PCDHGA12: variants seen among roughly 807,000 people sequenced by gnomAD.
PCDHGA12 encodes the protein protocadherin gamma-A12.
A neutral mutation model predicts 61.1 loss-of-function variants in PCDHGA12; 43 were observed. That is an observed-to-expected ratio of 0.70 (90% CI 0.55 to 0.91). The LOEUF is 0.91. Ranked by LOEUF, PCDHGA12 falls within the 40% of genes least tolerant of loss-of-function variation. The pLI, the probability that PCDHGA12 is intolerant of heterozygous loss-of-function variation, is 0.00. For synonymous variants in PCDHGA12, 520 were observed against 542.9 expected, an observed-to-expected ratio of 0.96 and a Z score of 0.59; for missense variants, 1,236 against 1,227.7, an observed-to-expected ratio of 1.01 and a Z score of -0.10.
rs1265360670 is a variant in PCDHGA12, at chr5:141,435,001, T to A, written c.2424+1818T>A. On this transcript the variant is annotated intron_variant, in intron 1 of 3. Transcript: ENST00000252085. ...TACTCTATATCATTTTCTAGCTGAATTTATCAATGATAATGCTCTTTTCCC... is the reference window on the plus strand; with the variant it reads ...TACTCTATATCATTTTCTAGCTGAAATTATCAATGATAATGCTCTTTTCCC... Among the ~76,000 whole-genome samples the A allele has an allele frequency of 3.9e-5, 6 of 152,120 alleles. No homozygotes were observed. In the East Asian group the frequency reaches 1.2e-3, roughly 29 times the overall value.
At position 141,491,267 on chromosome 5, in the gene PCDHGA12, A is replaced by C. The variant is rs1376540913; in HGVS notation, c.2425-3540A>C. ...GATGAGGACCCTGAGGAAATGCCCA[A>C]ATCCAGTGACTTCCTCATACACCCT... On this transcript the variant is annotated intron_variant, in intron 1 of 3. Coordinates refer to ENST00000252085, the MANE Select transcript of PCDHGA12 (RefSeq NM_003735.3). This position sits in a 1 kb window ranked among gnomAD's most constrained non-coding sequence, Gnocchi z 6.9. The C allele has an allele frequency of 2.5e-6, 4 of 1,613,944 alleles. No individual in the cohort carries two copies. The highest frequency in any genetic ancestry group is 3.4e-6 in the Non-Finnish European group (4 of 1,179,936).
At position 141,491,137 on chromosome 5, in the gene PCDHGA12, GC is replaced by G. The variant is rs1373404184; in HGVS notation, c.2425-3668del. ...CACTGGTGAGGTGCGCACAGCCCGG[GC>G]CTTACTGGAGGATGACTCTGACACC... On this transcript the variant is annotated intron_variant, in intron 1 of 3. Transcript: ENST00000252085. This position sits in a 1 kb window ranked among gnomAD's most constrained non-coding sequence, Gnocchi z 6.9. The G allele has an allele frequency of 1.2e-6, 2 of 1,614,156 alleles. No individual in the cohort carries two copies. Among genetic ancestry groups the G allele is most frequent in the Non-Finnish European group, 1.7e-6 (2 of 1,180,008 alleles).
chr5:141,459,579 T>G (rs1047850142), intron 1 of PCDHGA12, among the ~76,000 whole-genome samples: 2 of 152,212 alleles, frequency 1.3e-5, no homozygotes, highest in African/African-American at 4.8e-5. Context: ...AGAATTGTTT[T>G]GGGGGTCATA....
Position 141,511,178 on chromosome 5 carries a change from G to A in PCDHGA12, c.*5G>A. The A allele has an allele frequency of 6.2e-7, 1 of 1,614,090 alleles. No homozygotes were observed. Among genetic ancestry groups the A allele is most frequent in the South Asian group, 1.1e-5 (1 of 91,074 alleles). On this transcript the variant is annotated 3_prime_UTR_variant, in exon 4 of 4. Coordinates refer to ENST00000252085, the MANE Select transcript of PCDHGA12 (RefSeq NM_003735.3). ...GGCAAGAAGGAGAAGAAGTAACATG[G>A]AGGCCAGGCCAAGAGCCACAGGGCG...
At position 141,476,513 on chromosome 5, in the gene PCDHGA12, C is replaced by T; in HGVS notation, c.2425-18294C>T. 1 of 1,614,196 alleles carries T rather than the reference C, an allele frequency of 6.2e-7. No individual in the cohort carries two copies. Among genetic ancestry groups the T allele is most frequent in the Non-Finnish European group, 8.5e-7 (1 of 1,180,034 alleles). On this transcript the variant is annotated intron_variant, in intron 1 of 3. Coordinates refer to ENST00000252085, the MANE Select transcript of PCDHGA12 (RefSeq NM_003735.3). The surrounding 1 kb of genome is among the most constrained non-coding windows in gnomAD (Gnocchi z 7.6). ...GATCCAGGACATCAACGACAACAAT[C>T]CTGCTTTCCCTACCCAGGAAATGAA...
chr5:141,472,200 C>A (rs2099274166), intron 1 of PCDHGA12, among the ~76,000 whole-genome samples: 1 of 152,110 alleles, frequency 6.6e-6, no homozygotes, highest in Non-Finnish European at 1.5e-5. Flanking sequence ...ATCTTTTTGA[C>A]ACTAAGACCT....
chr5:141,487,361 A>C lies in PCDHGA12; in HGVS notation c.2425-7446A>C. On this transcript the variant is annotated intron_variant, in intron 1 of 3. Transcript: ENST00000252085. This position sits in a 1 kb window ranked among gnomAD's most constrained non-coding sequence, Gnocchi z 5.0. ...TGGAGTCACATGCTTTCCTGCTGGC[A>C]CCTGTGCCTGTCTCACCAGATCTCG... The C allele has an allele frequency of 1.2e-6, 2 of 1,613,834 alleles. No individual in the cohort carries two copies. Among genetic ancestry groups the C allele is most frequent in the East Asian group, 2.2e-5 (1 of 44,860 alleles).
Position 141,476,876 on chromosome 5 carries a change from C to A in PCDHGA12, c.2425-17931C>A, listed in dbSNP as rs1201654822. 1.2e-6 allele frequency: 2 copies of A among 1,613,994 alleles called. No individual in the cohort carries two copies. Among genetic ancestry groups the A allele is most frequent in the Non-Finnish European group, 1.7e-6 (2 of 1,180,048 alleles). ...CCAGTCCTTGTACCGGGCGCGCGTC[C>A]TGGAGGATGCACCCTCCGGCACGCG... On this transcript the variant is annotated intron_variant, in intron 1 of 3. Transcript: ENST00000252085. The surrounding 1 kb of genome is among the most constrained non-coding windows in gnomAD (Gnocchi z 7.6).
At chr5:141,452,251 ACT>A (rs899414988) in intron 1 of PCDHGA12, among the ~76,000 whole-genome samples, 29 of 152,204 alleles carry the variant, frequency 1.9e-4, no homozygotes, top group African/African-American at 6.7e-4. Flanking sequence ...TTTTGCCATA[ACT>A]CTCTCATTTT....
rs1453835891 is a variant in PCDHGA12 at position 141,477,494 on chromosome 5, T to G, written c.2425-17313T>G. On this transcript the variant is annotated intron_variant, in intron 1 of 3. Coordinates refer to ENST00000252085, the MANE Select transcript of PCDHGA12 (RefSeq NM_003735.3). The surrounding 1 kb of genome is among the most constrained non-coding windows in gnomAD (Gnocchi z 4.9). ...TGACAACCCTCCACAATCTTCTCAA[T>G]CTTCCTACGACGTTTACATTGAAGA... 1 of 1,614,088 alleles carries G rather than the reference T, an allele frequency of 6.2e-7. No individual in the cohort carries two copies.
In PCDHGA12 at chr5:141,431,615, G is replaced by C. The variant is rs1231591874; in HGVS notation, c.856G>C (p.Asp286His). The C allele has an allele frequency of 1.2e-6, 2 of 1,614,118 alleles. No individual in the cohort carries two copies. Among genetic ancestry groups the C allele is most frequent in the Non-Finnish European group, 8.5e-7 (1 of 1,180,050 alleles). ...EVRYSFRYVD[D>H]KAAQVFKLDC... ...GAGGTATTCCTTCCGGTATGTGGACGACAAGGCGGCCCAAGTTTTCAAACT... is the reference window on the plus strand; with the variant it reads ...GAGGTATTCCTTCCGGTATGTGGACCACAAGGCGGCCCAAGTTTTCAAACT... Residue 286 changes from aspartate to histidine, a missense_variant, in exon 1 of 4, where the codon GAC becomes CAC. Coordinates refer to ENST00000252085, the MANE Select transcript of PCDHGA12 (RefSeq NM_003735.3). This position sits in a 1 kb window ranked among gnomAD's most constrained non-coding sequence, Gnocchi z 4.8.
intron 1 of PCDHGA12, among the ~76,000 whole-genome samples, chr5:141,447,752 G>T (rs2154561873): frequency 6.6e-6 from 1 of 152,280 alleles, no homozygotes; most frequent in Admixed American, 6.5e-5. Context: ...TCTTGCATGT[G>T]ACTGTATATA....
intron 1 of PCDHGA12, among the ~76,000 whole-genome samples, chr5:141,483,459 G>A (rs1214951485): frequency 6.6e-6 from 1 of 152,186 alleles, no homozygotes; most frequent in Non-Finnish European, 1.5e-5. Flanking sequence ...AGGACTTGTT[G>A]ATTGACATGA....
At chr5:141,459,499 G>A (rs2098968854) in intron 1 of PCDHGA12, among the ~76,000 whole-genome samples, 1 of 152,172 alleles carries the variant, frequency 6.6e-6, no homozygotes, top group Non-Finnish European at 1.5e-5. Context: ...TTAAAGTGAT[G>A]TGAACAATCA....
At chr5:141,502,019 G>A (rs1454981730) in intron 2 of PCDHGA12, among the ~76,000 whole-genome samples, 1 of 152,008 alleles carries the variant, frequency 6.6e-6, no homozygotes, top group African/African-American at 2.4e-5. Flanking sequence ...TCTCCTCCCT[G>A]CAACCCCCGC....
intron 1 of PCDHGA12, among the ~76,000 whole-genome samples, chr5:141,449,264 C>T (rs2098633342): frequency 6.6e-6 from 1 of 152,056 alleles, no homozygotes; most frequent in African/African-American, 2.4e-5. Flanking sequence ...GTACAAAGAA[C>T]TGTATCTCCT....
Position 141,493,806 on chromosome 5 carries a change from T to C in PCDHGA12, c.2425-1001T>C, listed in dbSNP as rs1339302166. On this transcript the variant is annotated intron_variant, in intron 1 of 3. Coordinates refer to ENST00000252085, the MANE Select transcript of PCDHGA12 (RefSeq NM_003735.3). This position sits in a 1 kb window ranked among gnomAD's most constrained non-coding sequence, Gnocchi z 4.3. ...TCCTTCTCCCTGGAGTAATCTGAGA[T>C]ACTCACACTCTCTGCTTCTGGGAGC... is the stretch of plus-strand genomic sequence containing the variant. Among the ~76,000 whole-genome samples, 1 of 152,162 alleles carries C rather than the reference T, an allele frequency of 6.6e-6. No homozygotes were observed. The highest frequency in any genetic ancestry group is 1.5e-5 in the Non-Finnish European group (1 of 68,038).
intron 1 of PCDHGA12, among the ~76,000 whole-genome samples, chr5:141,470,888 T>C (rs2099243463): frequency 6.6e-6 from 1 of 151,912 alleles, no homozygotes; most frequent in Non-Finnish European, 1.5e-5. Context: ...GTTTTTGTTT[T>C]TGTTTTTTGT....
In PCDHGA12 at chr5:141,489,652, C is replaced by A. The variant is rs767143028; in HGVS notation, c.2425-5155C>A. On this transcript the variant is annotated intron_variant, in intron 1 of 3. Transcript: ENST00000252085. The surrounding 1 kb of genome is among the most constrained non-coding windows in gnomAD (Gnocchi z 4.5). ...CTCTCCTAGCTTTGCCACCCCTGAG[C>A]GAGAGATGCGCATCTCAGAATCAGC... 34 of 1,614,024 alleles carry A rather than the reference C, an allele frequency of 2.1e-5. No homozygotes were observed. The Middle Eastern group carries it at 6.6e-4, about 31-fold the overall frequency.
Sources: allele counts gnomAD v4.1 joint callset (sites outside exome capture counted in the v4.1 genomes callset), GRCh38; gene constraint gnomAD v4.1.1; non-coding constraint Gnocchi (gnomAD v3.1); transcripts MANE v1.5; gene names NCBI Gene and HGNC (gene_info 2026-07-23, HGNC 2026-07-21).